Variants in SCN10A observed in about 807,000 individuals in gnomAD.
SCN10A encodes sodium voltage-gated channel alpha subunit 10, also known as sodium channel protein type 10 subunit alpha.
In SCN10A, 162 loss-of-function variants were observed where a neutral mutation model predicts 170.7. The observed-to-expected ratio is 0.95, with a 90% CI of 0.84 to 1.08. The LOEUF is 1.08. SCN10A is among the 50% of genes least tolerant of loss of function. The probability of loss-of-function intolerance (pLI) is 0.00; values close to 1 mark genes in which losing one functional copy is unlikely to be tolerated. For synonymous variants in SCN10A, 985 were observed against 904.6 expected (o/e 1.09, Z -1.59); for missense variants, 2,527 against 2,436.9 (o/e 1.04, Z -0.78).
At chr3:38,754,993 G>A (rs1292925989) in intron 11 of SCN10A, among the ~76,000 whole-genome samples, 1 of 152,094 alleles carries the variant, frequency 6.6e-6, no homozygotes, top group Non-Finnish European at 1.5e-5. Flanking sequence ...GCAGGAAGGT[G>A]GTGGGAGGAA....
At chr3:38,702,447 C>CA (rs1189589300) in intron 26 of SCN10A, among the ~76,000 whole-genome samples, 3 of 152,226 alleles carry the variant, frequency 2.0e-5, no homozygotes, top group African/African-American at 7.2e-5. Flanking sequence ...CCACTTACTG[C>CA]ATGGAGTGTC....
At chr3:38,706,468 C>A (rs2063212382) in intron 26 of SCN10A, among the ~76,000 whole-genome samples, 1 of 152,216 alleles carries the variant, frequency 6.6e-6, no homozygotes, top group Non-Finnish European at 1.5e-5. Flanking sequence ...CAATTCCATT[C>A]ACTGGAGTGG....
chr3:38,804,720 A>G (rs904163779), intron 1 of SCN10A, among the ~76,000 whole-genome samples: 4 of 152,180 alleles, frequency 2.6e-5, no homozygotes, highest in African/African-American at 9.6e-5. Flanking sequence ...CAGGTTACTG[A>G]AAAGACAAGT....
At chr3:38,803,218 C>G (rs1342297026) in intron 1 of SCN10A, among the ~76,000 whole-genome samples, 2 of 152,158 alleles carry the variant, frequency 1.3e-5, no homozygotes, top group Admixed American at 6.5e-5. Context: ...TAAACTAGTT[C>G]AACCATTGTG....
At chr3:38,706,301 T>G (rs2063210755) in intron 26 of SCN10A, among the ~76,000 whole-genome samples, 1 of 152,246 alleles carries the variant, frequency 6.6e-6, no homozygotes, top group African/African-American at 2.4e-5. Flanking sequence ...TCTCCATAAT[T>G]CATTTAGGGA....
intron 27 of SCN10A, 35 bp downstream of exon 27, chr3:38,701,804 G>A (rs761242853): frequency 2.6e-6 from 4 of 1,567,496 alleles, no homozygotes; most frequent in South Asian, 2.4e-5. Flanking sequence ...CCCAAACAGA[G>A]GTGGGGCTTC....
chr3:38,730,301 A>G (rs547174324), intron 15 of SCN10A, among the ~76,000 whole-genome samples: 2 of 152,352 alleles, frequency 1.3e-5, no homozygotes, highest in African/African-American at 4.8e-5. Context: ...GTGCTCATAT[A>G]GGATTTTATC....
At position 38,697,182 on chromosome 3, in the gene SCN10A, G is replaced by T. The variant is rs1328381373; in HGVS notation, c.*167C>A. ...TTCTGACTCCTATTTGTGTATGATGGTTTTTTCAAAGGTGGTTACCAGTTG... is the reference window on the plus strand; with the variant it reads ...TTCTGACTCCTATTTGTGTATGATGTTTTTTTCAAAGGTGGTTACCAGTTG... On this transcript the variant is annotated 3_prime_UTR_variant, in exon 28 of 28. Transcript: ENST00000449082. 14 of 1,069,612 alleles carry T rather than the reference G, an allele frequency of 1.3e-5. No individual in the cohort carries two copies. The Admixed American group carries it at 3.1e-4, about 24-fold the overall frequency. The allele number at this position is 1,069,612 out of a possible 1,614,324, so 66.3% of individuals were successfully genotyped here. A position where few individuals can be genotyped will look rare whatever the true frequency, so the allele number is the denominator to read the frequency against.
At position 38,727,779 on chromosome 3, in the gene SCN10A, A is replaced by G. The variant is rs1386125385; in HGVS notation, c.2641-727T>C. ...GAAGACTGCATCCTCCCACACAACC[A>G]GTCAGTCCCAGGAGGGCAAGGACCC... On this transcript the variant is annotated intron_variant, in intron 16 of 27. Coordinates refer to ENST00000449082, the MANE Select transcript of SCN10A (RefSeq NM_006514.4). 3.9e-5 allele frequency among the ~76,000 whole-genome samples: 6 copies of G among 152,336 alleles called. No homozygotes were observed. In the East Asian group the frequency reaches 9.7e-4, roughly 25 times the overall value.
Position 38,697,949 on chromosome 3 carries a change from C to G in SCN10A, c.5271G>C (p.Gln1757His). ...TWEKFDPEAT[Q>H]FITFSALSDF... ...CCGAGAGAGCAGAAAAGGTAATAAA[C>G]TGAGTGGCCTCTGGGTCAAACTTCT... Residue 1757 changes from glutamine (Q) to histidine (H), a missense_variant, in exon 28 of 28, where the codon CAG becomes CAC. Coordinates refer to ENST00000449082, the MANE Select transcript of SCN10A (RefSeq NM_006514.4). 1.2e-6 allele frequency: 2 copies of G among 1,614,142 alleles called. No individual in the cohort carries two copies. The highest frequency in any genetic ancestry group is 1.7e-6 in the Non-Finnish European group (2 of 1,180,024).
rs554841206 is a variant in SCN10A, at chr3:38,698,026, T to A, written c.5194A>T (p.Ser1732Cys). 2 of 1,614,096 alleles carry A rather than the reference T, an allele frequency of 1.2e-6. No individual in the cohort carries two copies. The highest frequency in any genetic ancestry group is 2.2e-5 in the East Asian group (1 of 44,876). ...TCGTCCTCACTCAGGGGCTCAGTGC[T>A]CTCCTCCGTGGCCACATTGAAGTTC... The part of the protein sequence containing the change: ...LENFNVATEE[S>C]TEPLSEDDFD... The change falls in exon 28 of 28, where the codon AGC (serine) becomes TGC (cysteine). Residue 1732 changes from serine to cysteine, a missense_variant. Transcript: ENST00000449082.
intron 4 of SCN10A, among the ~76,000 whole-genome samples, chr3:38,772,473 AG>A (rs574932883): frequency 1.0e-3 from 159 of 152,218 alleles, no homozygotes; most frequent in Admixed American, 4.9e-3. Flanking sequence ...GCAGATTACG[AG>A]GTCAGGAGAT....
At chr3:38,751,169 C>T (rs1453592648) in intron 12 of SCN10A, among the ~76,000 whole-genome samples, 5 of 152,186 alleles carry the variant, frequency 3.3e-5, no homozygotes, top group Non-Finnish European at 1.5e-5. Context: ...GGCTGAGTAG[C>T]AGAGCTGTGA....
intron 1 of SCN10A, among the ~76,000 whole-genome samples, chr3:38,815,768 G>A (rs2064472130): frequency 6.6e-6 from 1 of 152,322 alleles, no homozygotes; most frequent in African/African-American, 2.4e-5. Context: ...TGACGTTGAT[G>A]TAGCATGTAG....
chr3:38,809,610 T>G (rs1389222018), intron 1 of SCN10A, among the ~76,000 whole-genome samples: 1 of 152,190 alleles, frequency 6.6e-6, no homozygotes, highest in South Asian at 2.1e-4. Context: ...TAGACTTGAG[T>G]CCCAGACACA....
rs368312678 is a variant in SCN10A at position 38,793,860 on chromosome 3, G to C, written c.151C>G (p.Pro51Ala). The change falls in exon 2 of 28, where the codon CCT becomes GCT. Residue 51 changes from proline (P) to alanine (A), a missense_variant. Pro to Ala is a conservative substitution (Grantham distance 27). Transcript: ENST00000449082. ...HREQKDQEEK[P>A]RPQLDLKACN... ...GCTTTCAAGTCCAGCTGGGGCCGAG[G>C]CTTCTCTTCTTGGTCCTTCTGCTCC... The C allele has an allele frequency of 1.2e-6, 2 of 1,613,936 alleles. No homozygotes were observed. Among genetic ancestry groups the C allele is most frequent in the Non-Finnish European group, 8.5e-7 (1 of 1,179,968 alleles).
chr3:38,754,748 T>C (rs1353352926), intron 11 of SCN10A, among the ~76,000 whole-genome samples: 1 of 152,184 alleles, frequency 6.6e-6, no homozygotes, highest in Non-Finnish European at 1.5e-5. Context: ...TCTGTGTTTG[T>C]ATATGCACAC....
intron 6 of SCN10A, among the ~76,000 whole-genome samples, chr3:38,762,179 G>A (rs2063882062): frequency 1.3e-5 from 2 of 152,192 alleles, no homozygotes; most frequent in Non-Finnish European, 2.9e-5. Context: ...TTTATTTTTG[G>A]TTAGTCATTT....
chr3:38,789,564 C>T (rs918265540), intron 3 of SCN10A, among the ~76,000 whole-genome samples: 2 of 152,058 alleles, frequency 1.3e-5, no homozygotes, highest in Non-Finnish European at 2.9e-5. Context: ...GAATTAGTTT[C>T]ATCAGATTGT....
Sources: gnomAD v4.1 joint callset for allele counts (sites outside exome capture counted in the v4.1 genomes callset) on GRCh38, gnomAD v4.1.1 for gene constraint, MANE v1.5 for transcripts, NCBI Gene and HGNC (gene_info 2026-07-23, HGNC 2026-07-21) for gene names.